Variants in CNTNAP2 observed in about 807,000 individuals in gnomAD.
The protein encoded by CNTNAP2 is contactin-associated protein-like 2.
CNTNAP2 carries 98 observed loss-of-function variants against 155.2 expected under a neutral mutation model. That is an observed-to-expected ratio of 0.63 (90% CI 0.54 to 0.75). The LOEUF (loss-of-function observed/expected upper bound fraction) is 0.75, where lower values mean the gene tolerates loss of function less well. Ranked by LOEUF, CNTNAP2 falls within the 30% of genes least tolerant of loss-of-function variation. The pLI is 0.00. For missense variants in CNTNAP2, 1,727 were observed against 1,688.1 expected (o/e 1.02, Z -0.40); for synonymous variants, 651 against 631.2 (o/e 1.03, Z -0.47).
intron 22 of CNTNAP2, among the ~76,000 whole-genome samples, chr7:148,401,542 GTGTT>G (rs1455287326): frequency 6.6e-6 from 1 of 151,610 alleles, no homozygotes; most frequent in Non-Finnish European, 1.5e-5. Flanking sequence ...CCTTACCTTC[GTGTT>G]TATTTTATGA....
chr7:148,180,806 C>T (rs1795024758), intron 18 of CNTNAP2, among the ~76,000 whole-genome samples: 1 of 152,144 alleles, frequency 6.6e-6, no homozygotes, highest in African/African-American at 2.4e-5. Context: ...GAAGGAGGTG[C>T]TTTAGCCCCT....
At chr7:146,442,935 G>T (rs1305725191) in intron 1 of CNTNAP2, among the ~76,000 whole-genome samples, 4 of 152,172 alleles carry the variant, frequency 2.6e-5, no homozygotes, top group African/African-American at 9.6e-5. Context: ...GGCCGGGCGC[G>T]GTGGCTGACG....
At chr7:146,310,070 A>G (rs1800793343) in intron 1 of CNTNAP2, among the ~76,000 whole-genome samples, 1 of 152,196 alleles carries the variant, frequency 6.6e-6, no homozygotes, top group South Asian at 2.1e-4. Flanking sequence ...TGACAGTACT[A>G]CATAGTGTGT....
chr7:147,713,039 C>T (rs557271440), intron 13 of CNTNAP2, among the ~76,000 whole-genome samples: 6 of 152,210 alleles, frequency 3.9e-5, no homozygotes, highest in Non-Finnish European at 7.4e-5. Context: ...CTCATAATTC[C>T]GCAACCAATT....
chr7:148,029,142 G>C (rs1400519328), intron 15 of CNTNAP2, among the ~76,000 whole-genome samples: 1 of 152,084 alleles, frequency 6.6e-6, no homozygotes, highest in Non-Finnish European at 1.5e-5. Context: ...ATTTGAGTGA[G>C]TTTTCACCAT....
chr7:146,593,175 T>C (rs1240462516), intron 1 of CNTNAP2, among the ~76,000 whole-genome samples: 1 of 150,944 alleles, frequency 6.6e-6, no homozygotes, highest in Non-Finnish European at 1.5e-5. Context: ...TTAATATTAT[T>C]ATTATTATTT....
chr7:146,370,260 T>TAAAAAAAA (rs34996621), intron 1 of CNTNAP2, among the ~76,000 whole-genome samples: 9 of 87,598 alleles, frequency 1.0e-4, no homozygotes, highest in African/African-American at 4.6e-4. Context: ...ATCTCTACTT[T>TAAAAAAAA]AAAAAAAAAA....
chr7:146,894,675 C>T (rs189667784), intron 3 of CNTNAP2, among the ~76,000 whole-genome samples: 30 of 152,178 alleles, frequency 2.0e-4, no homozygotes, highest in Admixed American at 3.9e-4. Context: ...TTAACTTGTA[C>T]ATACCTCTGT....
intron 13 of CNTNAP2, among the ~76,000 whole-genome samples, chr7:147,748,384 T>C (rs547821612): frequency 6.6e-6 from 1 of 152,292 alleles, no homozygotes; most frequent in East Asian, 1.9e-4. Flanking sequence ...GTGTGCTGCA[T>C]AGCATATGAG....
intron 3 of CNTNAP2, among the ~76,000 whole-genome samples, chr7:146,886,407 T>A: frequency 6.6e-6 from 1 of 152,042 alleles, no homozygotes; most frequent in East Asian, 1.9e-4. Context: ...AAGAAAAAAA[T>A]TGCAGCACTA....
At chr7:147,815,978 T>C (rs1798258918) in intron 13 of CNTNAP2, among the ~76,000 whole-genome samples, 1 of 152,220 alleles carries the variant, frequency 6.6e-6, no homozygotes, top group Non-Finnish European at 1.5e-5. Context: ...TTACATATTC[T>C]CAGACTCTGG....
intron 12 of CNTNAP2, among the ~76,000 whole-genome samples, chr7:147,575,629 T>C (rs1173966188): frequency 1.3e-5 from 2 of 151,844 alleles, no homozygotes; most frequent in African/African-American, 4.8e-5. Flanking sequence ...CTAACCAAGG[T>C]GCAGCTTCTT....
intron 1 of CNTNAP2, among the ~76,000 whole-genome samples, chr7:146,698,486 C>T (rs974656854): frequency 6.6e-6 from 1 of 152,046 alleles, no homozygotes; most frequent in African/African-American, 2.4e-5. Context: ...TCTCTTCTTG[C>T]TTACATGATT....
At chr7:146,376,419 C>G (rs1216935641) in intron 1 of CNTNAP2, among the ~76,000 whole-genome samples, 1 of 151,950 alleles carries the variant, frequency 6.6e-6, no homozygotes, top group Non-Finnish European at 1.5e-5. Context: ...TATAATATTT[C>G]TCATCGAAAG....
At chr7:146,947,024 T>C (rs550581383) in intron 3 of CNTNAP2, among the ~76,000 whole-genome samples, 29 of 152,010 alleles carry the variant, frequency 1.9e-4, no homozygotes, top group African/African-American at 7.0e-4. Context: ...AAAATATCAA[T>C]TTATTTATTT....
rs528484757 is a variant in CNTNAP2, at chr7:146,556,791, A to G, written c.98-217480A>G. ...GGACAGCATAAGAATGAAAAGAGTTAGTGAAATCTGACCTTTGGTGAGCTG... is the reference window on the plus strand; with the variant it reads ...GGACAGCATAAGAATGAAAAGAGTTGGTGAAATCTGACCTTTGGTGAGCTG... On this transcript the variant is annotated intron_variant, in intron 1 of 23. Coordinates refer to ENST00000361727, the MANE Select transcript of CNTNAP2 (RefSeq NM_014141.6). Among the ~76,000 whole-genome samples, 397 of 151,376 alleles carry G rather than the reference A, an allele frequency of 2.6e-3. 9 individuals are homozygous for G. The highest frequency in any genetic ancestry group is 9.4e-3 in the African/African-American group (381 of 40,702).
chr7:147,500,901 C>T (rs1798798326), intron 11 of CNTNAP2, among the ~76,000 whole-genome samples: 1 of 151,960 alleles, frequency 6.6e-6, no homozygotes, highest in African/African-American at 2.4e-5. Context: ...CCAGCATTAC[C>T]CTGATACTGA....
intron 14 of CNTNAP2, among the ~76,000 whole-genome samples, chr7:147,973,526 G>A (rs111331931): frequency 6.5e-4 from 99 of 152,234 alleles, no homozygotes; most frequent in Non-Finnish European, 1.1e-3. Flanking sequence ...TTGGGCATGA[G>A]GTAGTTCTAG....
chr7:146,148,120 G>A (rs1320828054), intron 1 of CNTNAP2, among the ~76,000 whole-genome samples: 1 of 152,056 alleles, frequency 6.6e-6, no homozygotes, highest in African/African-American at 2.4e-5. Context: ...TGCTCACCTT[G>A]ATGAGCATCA....
Sources: allele counts gnomAD v4.1 joint callset (sites outside exome capture counted in the v4.1 genomes callset), GRCh38; gene constraint gnomAD v4.1.1; transcripts MANE v1.5; gene names NCBI Gene and HGNC (gene_info 2026-07-23, HGNC 2026-07-21).